ANKS1B: variants seen among roughly 807,000 people sequenced by gnomAD.
ANKS1B encodes ankyrin repeat and sterile alpha motif domain containing 1B.
A neutral mutation model predicts 148.3 loss-of-function variants in ANKS1B; 36 were observed. That is an observed-to-expected ratio of 0.24 (90% CI 0.19 to 0.32). ANKS1B has a LOEUF of 0.32. Ranked by LOEUF, ANKS1B falls within the 10% of genes least tolerant of loss-of-function variation. The pLI, the probability that ANKS1B is intolerant of heterozygous loss-of-function variation, is 1.00. For synonymous variants in ANKS1B, 542 were observed against 560.8 expected, an observed-to-expected ratio of 0.97 and a Z score of 0.47; for missense variants, 1,157 against 1,542.6, an observed-to-expected ratio of 0.75 and a Z score of 4.19.
rs140249337 is a variant in ANKS1B at position 99,607,493 on chromosome 12, C to A, written c.1272+47574G>T. Among the ~76,000 whole-genome samples the A allele has an allele frequency of 3.2e-3, 493 of 151,990 alleles. 2 individuals are homozygous for A. Among genetic ancestry groups the A allele is most frequent in the African/African-American group, 0.011 (462 of 41,474 alleles). On this transcript the variant is annotated intron_variant, in intron 9 of 26. Coordinates refer to ENST00000683438, the MANE Select transcript of ANKS1B (RefSeq NM_001352186.2). The stretch of plus-strand genomic sequence containing the variant: ...TTAAACACCTAGCAGAGGTAACATA[C>A]CTGTTTGATCAGCAAACACAGGCAA...
At chr12:98,834,093 G>A (rs1354111993) in intron 17 of ANKS1B, among the ~76,000 whole-genome samples, 1 of 152,166 alleles carries the variant, frequency 6.6e-6, no homozygotes, top group East Asian at 1.9e-4. Context: ...TGATGATGAG[G>A]AGGGTAAATG....
intron 8 of ANKS1B, among the ~76,000 whole-genome samples, chr12:99,744,355 CA>C (rs756265880): frequency 3.3e-5 from 5 of 152,150 alleles, no homozygotes; most frequent in Non-Finnish European, 7.4e-5. Context: ...ACTGGATCAA[CA>C]GAAGTTTCTT....
At chr12:99,350,221 T>C (rs2091250110) in intron 12 of ANKS1B, among the ~76,000 whole-genome samples, 1 of 152,042 alleles carries the variant, frequency 6.6e-6, no homozygotes, top group Admixed American at 6.6e-5. Flanking sequence ...CTGCGTCCCC[T>C]TCACCTACTG....
At chr12:99,186,174 C>A (rs113375550) in intron 14 of ANKS1B, among the ~76,000 whole-genome samples, 11,736 of 152,190 alleles carry the variant, frequency 0.077, 1,040 homozygotes, top group African/African-American at 0.22. Flanking sequence ...CTGCTGTAGC[C>A]ACACTGTCTC....
At chr12:99,504,665 C>T in intron 9 of ANKS1B, 24 bp from the exon 10 acceptor site, 2 of 1,496,288 alleles carry the variant, frequency 1.3e-6, no homozygotes, top group African/African-American at 1.4e-5. Flanking sequence ...AAAATAAAAA[C>T]AGCTTTGTGA....
At chr12:99,566,913 C>T (rs1335649281) in intron 9 of ANKS1B, among the ~76,000 whole-genome samples, 1 of 152,230 alleles carries the variant, frequency 6.6e-6, no homozygotes, top group African/African-American at 2.4e-5. Context: ...TGTCTACTGT[C>T]TAATCCCAAA....
intron 19 of ANKS1B, among the ~76,000 whole-genome samples, chr12:98,816,169 C>T (rs902158481): frequency 1.3e-5 from 2 of 152,206 alleles, no homozygotes; most frequent in African/African-American, 4.8e-5. Flanking sequence ...CTAGCTCCCT[C>T]ACTTCCTTCA....
At chr12:99,450,372 A>T (rs1026712271) in intron 10 of ANKS1B, among the ~76,000 whole-genome samples, 6 of 152,202 alleles carry the variant, frequency 3.9e-5, no homozygotes, top group Non-Finnish European at 8.8e-5. Context: ...GTTTAGCCAA[A>T]TGTGTGGGCA....
At position 99,556,535 on chromosome 12, in the gene ANKS1B, AGGTT is replaced by A. The variant is rs532807415; in HGVS notation, c.1273-51898_1273-51895del. Among the ~76,000 whole-genome samples, 18 of 152,216 alleles carry A rather than the reference AGGTT, an allele frequency of 1.2e-4. No homozygotes were observed. The South Asian group carries it at 3.7e-3, about 32-fold the overall frequency. ...TTCTAGTTCCTCTAGGTGTGATGTTAGGTTATTAATTTGAAATCTTTCTAACGTT... is the reference window on the plus strand; with the variant it reads ...TTCTAGTTCCTCTAGGTGTGATGTTAATTAATTTGAAATCTTTCTAACGTT... On this transcript the variant is annotated intron_variant, in intron 9 of 26. Coordinates refer to ENST00000683438, the MANE Select transcript of ANKS1B (RefSeq NM_001352186.2).
intron 9 of ANKS1B, among the ~76,000 whole-genome samples, chr12:99,623,710 T>C (rs892358847): frequency 6.6e-6 from 1 of 151,908 alleles, no homozygotes; most frequent in African/African-American, 2.4e-5. Flanking sequence ...AGGTGAAAGA[T>C]CTCTATTAGG....
intron 16 of ANKS1B, among the ~76,000 whole-genome samples, chr12:99,056,957 TCTTTTTTTC>T (rs1371449376): frequency 6.6e-6 from 1 of 152,164 alleles, no homozygotes; most frequent in Non-Finnish European, 1.5e-5. Context: ...GCTCTCTTCC[TCTTTTTTTC>T]CATTTCAGTT....
chr12:99,798,560 T>G (rs931723867), intron 4 of ANKS1B, among the ~76,000 whole-genome samples: 1 of 151,948 alleles, frequency 6.6e-6, no homozygotes, highest in Non-Finnish European at 1.5e-5. Flanking sequence ...TGTTCAATTG[T>G]GGGTATCTAA....
At chr12:99,961,223 C>T (rs1431310430) in intron 1 of ANKS1B, among the ~76,000 whole-genome samples, 3 of 135,222 alleles carry the variant, frequency 2.2e-5, no homozygotes, top group Non-Finnish European at 3.2e-5. Flanking sequence ...AGTGAGACTC[C>T]CTCTCAAAAA....
chr12:98,830,428 C>G (rs1027482001), intron 18 of ANKS1B, among the ~76,000 whole-genome samples: 3 of 152,094 alleles, frequency 2.0e-5, no homozygotes, highest in Admixed American at 6.5e-5. Context: ...ACTCCAGTCT[C>G]TCTCAGGAGG....
intron 11 of ANKS1B, among the ~76,000 whole-genome samples, chr12:99,403,907 A>T (rs942621427): frequency 2.7e-5 from 4 of 146,514 alleles, no homozygotes; most frequent in Non-Finnish European, 6.0e-5. Context: ...ACAACGGCAA[A>T]GACATGGAAT....
intron 14 of ANKS1B, among the ~76,000 whole-genome samples, chr12:99,225,706 C>T (rs1641587778): frequency 6.6e-6 from 1 of 152,252 alleles, no homozygotes; most frequent in South Asian, 2.1e-4. Context: ...CCAGGTTCTT[C>T]AGCTTTGGAC....
intron 17 of ANKS1B, among the ~76,000 whole-genome samples, chr12:98,993,709 T>C (rs531546525): frequency 1.3e-5 from 2 of 152,222 alleles, no homozygotes; most frequent in Admixed American, 1.3e-4. Flanking sequence ...ATTTTGGTAA[T>C]TAAGGAGTCA....
intron 6 of ANKS1B, among the ~76,000 whole-genome samples, chr12:99,777,983 A>T (rs1449040553): frequency 1.3e-5 from 2 of 151,066 alleles, no homozygotes; most frequent in Non-Finnish European, 3.0e-5. Context: ...TGGCCCACAA[A>T]GTCAGGAGAT....
chr12:99,806,788 T>A, intron 3 of ANKS1B, 88 bp from the exon 4 acceptor site: 1 of 1,194,078 alleles, frequency 8.4e-7, no homozygotes, highest in Non-Finnish European at 1.2e-6. Context: ...CCTGCAATGC[T>A]TTGAAATGTA....
Sources: allele counts gnomAD v4.1 joint callset (sites outside exome capture counted in the v4.1 genomes callset), GRCh38; gene constraint gnomAD v4.1.1; transcripts MANE v1.5; gene names NCBI Gene and HGNC (gene_info 2026-07-23, HGNC 2026-07-21).